EPHA6: variants seen among roughly 807,000 people sequenced by gnomAD.
EPHA6 encodes the protein EPH receptor A6, also known as ephrin type-A receptor 6.
EPHA6 carries 50 observed loss-of-function variants against 112.0 expected under a neutral mutation model. That is an observed-to-expected ratio of 0.45 (90% CI 0.36 to 0.56). The LOEUF is 0.56. EPHA6 is among the 20% of genes least tolerant of loss of function. The probability of loss-of-function intolerance (pLI) is 0.00; values close to 1 mark genes in which losing one functional copy is unlikely to be tolerated. For missense variants in EPHA6, 1,280 were observed against 1,417.4 expected (o/e 0.90, Z 1.56); for synonymous variants, 529 against 490.7 (o/e 1.08, Z -1.03).
At chr3:97,220,498 G>A (rs1352524950) in intron 3 of EPHA6, among the ~76,000 whole-genome samples, 1 of 152,206 alleles carries the variant, frequency 6.6e-6, no homozygotes, top group Non-Finnish European at 1.5e-5. Context: ...CATGTCTGGA[G>A]AAGCCTCAGG....
At chr3:96,870,000 A>G (rs2036546722) in intron 2 of EPHA6, among the ~76,000 whole-genome samples, 1 of 152,076 alleles carries the variant, frequency 6.6e-6, no homozygotes, top group South Asian at 2.1e-4. Flanking sequence ...AATATAGTAC[A>G]AGATATGTGA....
At chr3:97,526,840 G>C (rs760338481) in intron 10 of EPHA6, among the ~76,000 whole-genome samples, 11 of 151,890 alleles carry the variant, frequency 7.2e-5, no homozygotes, top group Admixed American at 2.0e-4. Flanking sequence ...GTGGGATGGA[G>C]GCTGACAGTC....
chr3:97,029,751 GAAC>G (rs2044759840), intron 3 of EPHA6, among the ~76,000 whole-genome samples: 1 of 151,946 alleles, frequency 6.6e-6, no homozygotes, highest in Admixed American at 6.6e-5. Context: ...TTTATTTAAA[GAAC>G]AAGAACAATA....
At chr3:97,741,056 A>T (rs535478711) in intron 16 of EPHA6, among the ~76,000 whole-genome samples, 6 of 152,278 alleles carry the variant, frequency 3.9e-5, no homozygotes, top group Non-Finnish European at 7.4e-5. Context: ...GCCCATTAGA[A>T]AAATCTAAAT....
chr3:96,998,467 T>C (rs746756893), intron 3 of EPHA6, among the ~76,000 whole-genome samples: 1 of 151,890 alleles, frequency 6.6e-6, no homozygotes. Context: ...TTTTATTTAA[T>C]GGATATTTAA....
At chr3:97,139,592 A>C (rs1029215526) in intron 3 of EPHA6, among the ~76,000 whole-genome samples, 2 of 152,174 alleles carry the variant, frequency 1.3e-5, no homozygotes, top group Non-Finnish European at 2.9e-5. Context: ...CAAGGAATTC[A>C]TACAGAGACT....
intron 6 of EPHA6, among the ~76,000 whole-genome samples, chr3:97,407,309 T>G (rs1174181703): frequency 6.6e-6 from 1 of 151,756 alleles, no homozygotes; most frequent in Admixed American, 6.6e-5. Flanking sequence ...CCTATCCCTC[T>G]GATAACTATG....
intron 2 of EPHA6, among the ~76,000 whole-genome samples, chr3:96,936,763 TC>T (rs1188251916): frequency 6.6e-6 from 1 of 152,048 alleles, no homozygotes; most frequent in Non-Finnish European, 1.5e-5. Flanking sequence ...TCACCACTCC[TC>T]CGACCCCACA....
At chr3:97,192,658 C>T (rs933344723) in intron 3 of EPHA6, among the ~76,000 whole-genome samples, 1 of 151,940 alleles carries the variant, frequency 6.6e-6, no homozygotes, top group African/African-American at 2.4e-5. Flanking sequence ...ATTTTTGTTT[C>T]AGTTGTCTGT....
chr3:97,120,530 G>A (rs1341704988), intron 3 of EPHA6, among the ~76,000 whole-genome samples: 1 of 151,608 alleles, frequency 6.6e-6, no homozygotes, highest in Non-Finnish European at 1.5e-5. Context: ...ACTTCTTCTA[G>A]GCAACTGCTA....
In EPHA6 at chr3:96,987,417, T is replaced by C; in HGVS notation, c.538T>C (p.Trp180Arg). The change falls in exon 3 of 18, where the codon TGG (tryptophan) becomes CGG (arginine). Residue 180 changes from tryptophan (W) to arginine (R), a missense_variant. Trp to Arg is a moderately radical substitution (Grantham distance 101). Coordinates refer to ENST00000389672, the MANE Select transcript of EPHA6 (RefSeq NM_001080448.3). ...CNVMEPNQNN[W>R]LRTNWISRDA... ...TGTAATGGAACCAAACCAAAACAAC[T>C]GGCTTCGTACAAACTGGATCTCCCG... The C allele has an allele frequency of 6.2e-7, 1 of 1,613,862 alleles. No individual in the cohort carries two copies. Among genetic ancestry groups the C allele is most frequent in the Non-Finnish European group, 8.5e-7 (1 of 1,179,842 alleles).
chr3:97,297,956 G>A (rs2080936672), intron 5 of EPHA6, among the ~76,000 whole-genome samples: 1 of 151,906 alleles, frequency 6.6e-6, no homozygotes. Flanking sequence ...TAGAGACAGG[G>A]TTTCACCATG....
At chr3:97,386,376 A>C (rs1392177574) in intron 5 of EPHA6, among the ~76,000 whole-genome samples, 2 of 152,328 alleles carry the variant, frequency 1.3e-5, no homozygotes, top group South Asian at 2.1e-4. Context: ...GGGTAAATAC[A>C]CCCATTCCAA....
intron 14 of EPHA6, among the ~76,000 whole-genome samples, chr3:97,667,529 C>T (rs1423821797): frequency 6.6e-6 from 1 of 152,164 alleles, no homozygotes; most frequent in Non-Finnish European, 1.5e-5. Context: ...AATATCACCT[C>T]AGGAAAGATG....
chr3:97,688,190 G>A (rs552602606), intron 14 of EPHA6, among the ~76,000 whole-genome samples: 2 of 152,216 alleles, frequency 1.3e-5, no homozygotes, highest in South Asian at 4.1e-4. Context: ...ATTTCTGATT[G>A]TGTCTTTCAA....
In EPHA6 at chr3:97,192,703, G is replaced by T. The variant is rs541745998; in HGVS notation, c.1115-33561G>T. 7.2e-5 allele frequency among the ~76,000 whole-genome samples: 11 copies of T among 152,134 alleles called. No individual in the cohort carries two copies. In the East Asian group the frequency reaches 2.1e-3, roughly 29 times the overall value. Reference sequence around the variant, plus strand: ...GTATTACTCAAGAAATTTTGCCCAGGCCAATGTCTTGGAGTTTCCCCAGTG... The same window carrying T: ...GTATTACTCAAGAAATTTTGCCCAGTCCAATGTCTTGGAGTTTCCCCAGTG... On this transcript the variant is annotated intron_variant, in intron 3 of 17. Coordinates refer to ENST00000389672, the MANE Select transcript of EPHA6 (RefSeq NM_001080448.3).
intron 11 of EPHA6, among the ~76,000 whole-genome samples, chr3:97,543,844 T>A (rs2092905467): frequency 6.6e-6 from 1 of 152,112 alleles, no homozygotes; most frequent in South Asian, 2.1e-4. Flanking sequence ...GGTATTTTAT[T>A]CTCTTTGAAG....
At chr3:97,167,377 C>T (rs2076566457) in intron 3 of EPHA6, among the ~76,000 whole-genome samples, 1 of 151,762 alleles carries the variant, frequency 6.6e-6, no homozygotes, top group South Asian at 2.1e-4. Flanking sequence ...TCCCAGCTTC[C>T]TCTTAATGAA....
At chr3:97,596,520 C>G (rs1276634726) in intron 12 of EPHA6, among the ~76,000 whole-genome samples, 1 of 151,872 alleles carries the variant, frequency 6.6e-6, no homozygotes, top group Non-Finnish European at 1.5e-5. Context: ...TTCACTTTCT[C>G]TGTCACTTCT....
Sources: gnomAD v4.1 joint callset for allele counts (sites outside exome capture counted in the v4.1 genomes callset) on GRCh38, gnomAD v4.1.1 for gene constraint, MANE v1.5 for transcripts, NCBI Gene and HGNC (gene_info 2026-07-23, HGNC 2026-07-21) for gene names.